Variants in EBF2 observed in about 807,000 individuals in gnomAD.
The protein encoded by EBF2 is transcription factor COE2.
A neutral mutation model predicts 72.8 loss-of-function variants in EBF2; 21 were observed. The observed-to-expected ratio is 0.29, with a 90% CI of 0.20 to 0.42. The LOEUF is 0.42. Among genes scored for constraint, EBF2 ranks in the 10% least tolerant of loss-of-function variants. EBF2 has a pLI of 1.00. For missense variants in EBF2, 637 were observed against 731.2 expected, an observed-to-expected ratio of 0.87 and a Z score of 1.49; for synonymous variants, 299 against 274.2, an observed-to-expected ratio of 1.09 and a Z score of -0.89.
rs1333056575 is a variant in EBF2, at chr8:25,923,857, A to AT, written c.552-15303dup. On this transcript the variant is annotated intron_variant, in intron 6 of 15. Transcript: ENST00000520164. The stretch of plus-strand genomic sequence containing the variant: ...AAAGCTAGGCCAATTGACTTTGATC[A>AT]TTTTTTTAATGATAAAGCAGTTAGC... Among the ~76,000 whole-genome samples, 6 of 152,240 alleles carry AT rather than the reference A, an allele frequency of 3.9e-5. No homozygotes were observed. In the South Asian group the frequency reaches 1.2e-3, roughly 32 times the overall value.
At chr8:25,901,486 G>A (rs962621374) in intron 7 of EBF2, among the ~76,000 whole-genome samples, 1 of 150,792 alleles carries the variant, frequency 6.6e-6, no homozygotes, top group Non-Finnish European at 1.5e-5. Flanking sequence ...CTCAATTCCA[G>A]AATGCTACTA....
intron 7 of EBF2, among the ~76,000 whole-genome samples, chr8:25,894,261 A>C (rs917042045): frequency 6.6e-6 from 1 of 152,256 alleles, no homozygotes; most frequent in Non-Finnish European, 1.5e-5. Context: ...ATACAGGTGA[A>C]GATATATTTG....
At chr8:25,941,726 C>T (rs1188501419) in intron 6 of EBF2, among the ~76,000 whole-genome samples, 1 of 152,174 alleles carries the variant, frequency 6.6e-6, no homozygotes, top group Non-Finnish European at 1.5e-5. Context: ...CCACTGGCTG[C>T]TGTCAGAGAG....
At chr8:25,921,926 A>G (rs1211689654) in intron 6 of EBF2, among the ~76,000 whole-genome samples, 1 of 152,210 alleles carries the variant, frequency 6.6e-6, no homozygotes, top group Non-Finnish European at 1.5e-5. Flanking sequence ...TGGAATTTCT[A>G]ATCTTTCTTC....
At chr8:25,932,254 T>A (rs1329283877) in intron 6 of EBF2, among the ~76,000 whole-genome samples, 2 of 152,056 alleles carry the variant, frequency 1.3e-5, no homozygotes, top group African/African-American at 2.4e-5. Flanking sequence ...TGATAAGTGA[T>A]CATTAGGACC....
At chr8:25,925,220 C>T (rs1803367435) in intron 6 of EBF2, among the ~76,000 whole-genome samples, 1 of 152,010 alleles carries the variant, frequency 6.6e-6, no homozygotes, top group South Asian at 2.1e-4. Flanking sequence ...CATCTTTTCC[C>T]TTGTAACTCT....
At chr8:25,893,425 T>C (rs1181737622) in intron 7 of EBF2, among the ~76,000 whole-genome samples, 1 of 151,982 alleles carries the variant, frequency 6.6e-6, no homozygotes, top group Non-Finnish European at 1.5e-5. Context: ...TGGCTGAGAT[T>C]ACAGGTACCT....
At chr8:25,965,396 T>C (rs562266728) in intron 6 of EBF2, among the ~76,000 whole-genome samples, 1 of 152,336 alleles carries the variant, frequency 6.6e-6, no homozygotes, top group Non-Finnish European at 1.5e-5. Context: ...GTGCTTTTGA[T>C]CTCATCTAGC....
Position 25,858,178 on chromosome 8 carries a change from G to A in EBF2, c.1528+141C>T, listed in dbSNP as rs917837354. On this transcript the variant is annotated intron_variant, in intron 14 of 15. Transcript: ENST00000520164. ...AGCTAAGGGAAAAGAACGAAAGGCA[G>A]GAAGGATGCTTAATCAGGAAACTAG... The A allele has an allele frequency of 7.5e-6, 8 of 1,061,380 alleles. No homozygotes were observed. The African/African-American group carries it at 1.1e-4, about 15-fold the overall frequency. The allele number at this position is 1,061,380 out of a possible 1,614,324, so 65.7% of individuals were successfully genotyped here. A position where few individuals can be genotyped will look rare whatever the true frequency, so the allele number is the denominator to read the frequency against.
chr8:25,946,577 C>A (rs1227569733), intron 6 of EBF2, among the ~76,000 whole-genome samples: 1 of 152,190 alleles, frequency 6.6e-6, no homozygotes, highest in Non-Finnish European at 1.5e-5. Flanking sequence ...ATCTCCATTA[C>A]CCAAACCAGC....
At chr8:25,946,912 TCA>T (rs1803778685) in intron 6 of EBF2, among the ~76,000 whole-genome samples, 1 of 151,958 alleles carries the variant, frequency 6.6e-6, no homozygotes, top group African/African-American at 2.4e-5. Context: ...GTCTATCATC[TCA>T]CAGAGTTACG....
intron 7 of EBF2, among the ~76,000 whole-genome samples, chr8:25,891,142 A>T (rs1389996720): frequency 2.0e-5 from 3 of 152,216 alleles, no homozygotes; most frequent in African/African-American, 7.2e-5. Flanking sequence ...ATCATAGTTA[A>T]CACAGGAAAC....
intron 6 of EBF2, among the ~76,000 whole-genome samples, chr8:25,910,040 C>T (rs1304824924): frequency 1.3e-5 from 2 of 152,056 alleles, no homozygotes; most frequent in African/African-American, 4.8e-5. Context: ...AAGAGACCTG[C>T]GGAAGGATAA....
chr8:25,876,974 TATAAA>T (rs1802531966), intron 10 of EBF2, among the ~76,000 whole-genome samples: 1 of 152,190 alleles, frequency 6.6e-6, no homozygotes, highest in African/African-American at 2.4e-5. Flanking sequence ...TGATAGAACT[TATAAA>T]AGACTTCTTA....
chr8:26,001,987 A>C (rs1563204360), intron 6 of EBF2, among the ~76,000 whole-genome samples: 1 of 152,184 alleles, frequency 6.6e-6, no homozygotes, highest in Non-Finnish European at 1.5e-5. Flanking sequence ...AAATGCATTA[A>C]ACTCACTAGG....
chr8:25,849,336 G>A (rs1801910683), intron 15 of EBF2, among the ~76,000 whole-genome samples: 1 of 152,124 alleles, frequency 6.6e-6, no homozygotes, highest in Non-Finnish European at 1.5e-5. Context: ...ACCTCCCAGA[G>A]CTCTGCTCAG....
At chr8:26,030,984 C>A (rs905174394) in intron 6 of EBF2, among the ~76,000 whole-genome samples, 1 of 152,164 alleles carries the variant, frequency 6.6e-6, no homozygotes, top group Non-Finnish European at 1.5e-5. Context: ...TCAACTTTAT[C>A]GGTGAATGCA....
chr8:26,013,167 A>G (rs1805054026), intron 6 of EBF2, among the ~76,000 whole-genome samples: 1 of 152,232 alleles, frequency 6.6e-6, no homozygotes, highest in South Asian at 2.1e-4. Flanking sequence ...CCCAAACTTC[A>G]CACTGAAATA....
chr8:25,961,494 G>A (rs1422098644), intron 6 of EBF2, among the ~76,000 whole-genome samples: 1 of 152,028 alleles, frequency 6.6e-6, no homozygotes, highest in Non-Finnish European at 1.5e-5. Context: ...TCCTGAGTAG[G>A]TGGGACTACA....
Sources: gnomAD v4.1 joint callset for allele counts (sites outside exome capture counted in the v4.1 genomes callset) on GRCh38, gnomAD v4.1.1 for gene constraint, MANE v1.5 for transcripts, NCBI Gene and HGNC (gene_info 2026-07-23, HGNC 2026-07-21) for gene names.